Variants in MAP4K3 observed in about 807,000 individuals in gnomAD.
The protein encoded by MAP4K3 is mitogen-activated protein kinase kinase kinase kinase 3.
Under a neutral mutation model 143.5 loss-of-function variants are expected in MAP4K3, and 94 were observed. The ratio of observed to expected loss-of-function variants is 0.65; its 90% CI spans 0.55 to 0.78. The LOEUF is 0.78. Ranked by LOEUF, MAP4K3 falls within the 30% of genes least tolerant of loss-of-function variation. The pLI is 0.00. For missense variants in MAP4K3, 1,077 were observed against 1,068.1 expected (o/e 1.01, Z -0.12); for synonymous variants, 416 against 347.2 (o/e 1.20, Z -2.20).
At chr2:39,293,989 T>C (rs1293315204) in intron 16 of MAP4K3, 1 of 152,244 alleles carries the variant, frequency 6.6e-6, no homozygotes, top group Non-Finnish European at 1.5e-5. Context: ...AACTATGGCA[T>C]TCCTGAAGTT....
At chr2:39,297,952 T>C (rs1682349496) in intron 16 of MAP4K3, among the ~76,000 whole-genome samples, 1 of 151,794 alleles carries the variant, frequency 6.6e-6, no homozygotes, top group Non-Finnish European at 1.5e-5. Flanking sequence ...CAATCAGAAA[T>C]CAGACAATGG....
At chr2:39,326,487 A>G (rs1163733507) in intron 8 of MAP4K3, among the ~76,000 whole-genome samples, 2 of 152,150 alleles carry the variant, frequency 1.3e-5, no homozygotes, top group Non-Finnish European at 2.9e-5. Flanking sequence ...TTTTGATTAT[A>G]CAGGCTTATA....
chr2:39,357,283 G>A (rs1385478357), intron 2 of MAP4K3, among the ~76,000 whole-genome samples: 1 of 152,204 alleles, frequency 6.6e-6, no homozygotes, highest in Non-Finnish European at 1.5e-5. Flanking sequence ...TGCTTACTCT[G>A]AAAGAAAAGT....
At chr2:39,301,130 G>C (rs1682495380) in intron 15 of MAP4K3, among the ~76,000 whole-genome samples, 1 of 151,242 alleles carries the variant, frequency 6.6e-6, no homozygotes, top group South Asian at 2.1e-4. Flanking sequence ...TCCAAGACCT[G>C]TCAAAAAAAT....
chr2:39,419,056 T>C (rs1667474732), intron 1 of MAP4K3, among the ~76,000 whole-genome samples: 2 of 152,202 alleles, frequency 1.3e-5, no homozygotes, highest in Non-Finnish European at 2.9e-5. Flanking sequence ...TGACTTTTTG[T>C]AAATCCAAAA....
intron 3 of MAP4K3, among the ~76,000 whole-genome samples, chr2:39,344,021 G>T (rs1443841462): frequency 3.3e-5 from 5 of 152,120 alleles, no homozygotes; most frequent in East Asian, 1.9e-4. Flanking sequence ...CCTTTGTTCA[G>T]TCATTCATTA....
Position 39,378,119 on chromosome 2 carries a change from C to T in MAP4K3, c.101G>A (p.Arg34Gln), listed in dbSNP as rs201570057. 29 of 1,576,474 alleles carry T rather than the reference C, an allele frequency of 1.8e-5. No homozygotes were observed. Among genetic ancestry groups the T allele is most frequent in the South Asian group, 3.5e-5 (3 of 85,504 alleles). The stretch of plus-strand genomic sequence containing the variant: ...TGCTAATTCACCAGTGTTAACATTC[C>T]GTGCCTAAAAGAAAGAGGAAAAAAG... The part of the protein sequence containing the change: ...SGTYGDVYKA[R>Q]NVNTGELAAI... Residue 34 changes from arginine to glutamine, a missense_variant, in exon 2 of 34, where the codon CGG (arginine) becomes CAG (glutamine). Transcript: ENST00000263881.
intron 1 of MAP4K3, among the ~76,000 whole-genome samples, chr2:39,390,503 A>G (rs1164381238): frequency 6.6e-6 from 1 of 152,192 alleles, no homozygotes; most frequent in Non-Finnish European, 1.5e-5. Context: ...TTCAATCAAT[A>G]GCCTATCACT....
At chr2:39,317,646 T>C (rs957971816) in intron 12 of MAP4K3, among the ~76,000 whole-genome samples, 1 of 152,034 alleles carries the variant, frequency 6.6e-6, no homozygotes, top group Non-Finnish European at 1.5e-5. Flanking sequence ...ATCAAAAATA[T>C]GAAAAAATGC....
At chr2:39,298,343 CTAATAA>C (rs1215099201) in intron 16 of MAP4K3, among the ~76,000 whole-genome samples, 1 of 151,820 alleles carries the variant, frequency 6.6e-6, no homozygotes, top group Non-Finnish European at 1.5e-5. Flanking sequence ...AACATAAATG[CTAATAA>C]TAATAATGAC....
intron 12 of MAP4K3, among the ~76,000 whole-genome samples, chr2:39,324,511 C>T (rs1401133674): frequency 6.6e-6 from 1 of 152,136 alleles, no homozygotes; most frequent in Non-Finnish European, 1.5e-5. Flanking sequence ...CTTTTCCAGA[C>T]CCTTAAACAA....
intron 3 of MAP4K3, among the ~76,000 whole-genome samples, chr2:39,352,623 T>C (rs921629687): frequency 1.3e-5 from 2 of 152,194 alleles, no homozygotes; most frequent in African/African-American, 4.8e-5. Context: ...ACTTTTATTG[T>C]AGGTATATTA....
At chr2:39,267,366 C>A in intron 26 of MAP4K3, 119 bp from the exon 27 acceptor site, 6 of 733,248 alleles carry the variant, frequency 8.2e-6, no homozygotes, top group African/African-American at 1.8e-5. Flanking sequence ...CATACTAGCT[C>A]ATCTATTAAA....
At chr2:39,363,696 T>C (rs1216598256) in intron 2 of MAP4K3, among the ~76,000 whole-genome samples, 1 of 146,800 alleles carries the variant, frequency 6.8e-6, no homozygotes, top group Non-Finnish European at 1.5e-5. Context: ...AAAAGAGCTA[T>C]GGTTGAATGG....
At chr2:39,399,351 T>C (rs1033960513) in intron 1 of MAP4K3, among the ~76,000 whole-genome samples, 1 of 152,178 alleles carries the variant, frequency 6.6e-6, no homozygotes, top group Non-Finnish European at 1.5e-5. Context: ...CAGGCTAGGA[T>C]TATGCTAAAA....
At chr2:39,383,255 T>C (rs546282093) in intron 1 of MAP4K3, among the ~76,000 whole-genome samples, 6 of 152,252 alleles carry the variant, frequency 3.9e-5, no homozygotes, top group Admixed American at 3.9e-4. Flanking sequence ...TCAGGAAACT[T>C]ACAAGCAAGG....
chr2:39,348,552 T>C (rs1558659508), intron 3 of MAP4K3, among the ~76,000 whole-genome samples: 1 of 152,186 alleles, frequency 6.6e-6, no homozygotes, highest in Non-Finnish European at 1.5e-5. Context: ...CTAAGCCATA[T>C]GCCTAATAGG....
At chr2:39,380,231 G>T (rs1362571553) in intron 1 of MAP4K3, among the ~76,000 whole-genome samples, 1 of 151,996 alleles carries the variant, frequency 6.6e-6, no homozygotes, top group Non-Finnish European at 1.5e-5. Flanking sequence ...ACAAAAAGGG[G>T]AAAACAGACA....
chr2:39,409,144 C>T (rs527676719), intron 1 of MAP4K3, among the ~76,000 whole-genome samples: 39 of 152,310 alleles, frequency 2.6e-4, no homozygotes, highest in Non-Finnish European at 4.6e-4. Flanking sequence ...TGATGATCTA[C>T]TTCCACTTAA....
Sources: allele counts gnomAD v4.1 joint callset (sites outside exome capture counted in the v4.1 genomes callset), GRCh38; gene constraint gnomAD v4.1.1; transcripts MANE v1.5; gene names NCBI Gene and HGNC (gene_info 2026-07-23, HGNC 2026-07-21).